The following IP6K3 variants were observed in gnomAD, a reference collection of about 807,000 sequenced individuals.
The protein encoded by IP6K3 is ATP:1D-myo-inositol-hexakisphosphate phosphotransferase.
IP6K3 carries 20 observed loss-of-function variants against 28.8 expected under a neutral mutation model. That is an observed-to-expected ratio of 0.70 (90% confidence interval 0.49 to 1.01). IP6K3 has a LOEUF of 1.01. Ranked by LOEUF, IP6K3 falls within the 50% of genes least tolerant of loss-of-function variation. The probability of loss-of-function intolerance (pLI) is 0.00; values close to 1 mark genes in which losing one functional copy is unlikely to be tolerated. For missense variants in IP6K3, 480 were observed against 537.1 expected, an observed-to-expected ratio of 0.89 and a Z score of 1.05; for synonymous variants, 213 against 221.3, an observed-to-expected ratio of 0.96 and a Z score of 0.33.
chr6:33,743,333 C>T (rs1017050527), intron 1 of IP6K3, among the ~76,000 whole-genome samples: 1 of 152,214 alleles, frequency 6.6e-6, no homozygotes, highest in Non-Finnish European at 1.5e-5. Flanking sequence ...ATGGCCTGCC[C>T]TCTCACCTCT....
chr6:33,729,555 C>T (rs1384208631), intron 2 of IP6K3, among the ~76,000 whole-genome samples: 3 of 152,170 alleles, frequency 2.0e-5, no homozygotes, highest in African/African-American at 7.2e-5. Flanking sequence ...GGTTCCCACC[C>T]CTCTTCACCA....
chr6:33,750,564 C>G (rs560028403), upstream of IP6K3, among the ~76,000 whole-genome samples: 2 of 152,328 alleles, frequency 1.3e-5, no homozygotes, highest in South Asian at 4.1e-4. The surrounding 1 kb of genome is among the most constrained non-coding windows in gnomAD (Gnocchi z 4.3). Context: ...GTGACTTGCT[C>G]CTTGCCTGTC....
the IP6K3 span, among the ~76,000 whole-genome samples, chr6:33,760,729 T>C: frequency 2.0e-5 from 3 of 152,320 alleles, no homozygotes; most frequent in African/African-American, 7.2e-5. Flanking sequence ...GGTTTTGCCA[T>C]GTTGGCCAGG....
Position 33,729,484 on chromosome 6 carries a change from G to C in IP6K3, c.200-1184C>G, listed in dbSNP as rs148589736. Among the ~76,000 whole-genome samples, 144 of 152,308 alleles carry C rather than the reference G, an allele frequency of 9.5e-4. 1 individual carries two copies. The highest frequency in any genetic ancestry group is 1.9e-3 in the Admixed American group (29 of 15,306). On this transcript the variant is annotated intron_variant, in intron 2 of 5. Transcript: ENST00000293756. ...TCTAGTTTCCCAGTGGATTTGCCCAGTGGGGGGCACTGGCAGGAGATGGGA... is the reference window on the plus strand; with the variant it reads ...TCTAGTTTCCCAGTGGATTTGCCCACTGGGGGGCACTGGCAGGAGATGGGA...
upstream of IP6K3, among the ~76,000 whole-genome samples, chr6:33,750,911 G>A (rs1308396162): frequency 6.6e-6 from 1 of 152,072 alleles, no homozygotes; most frequent in Non-Finnish European, 1.5e-5. The surrounding 1 kb of genome is among the most constrained non-coding windows in gnomAD (Gnocchi z 4.3). Context: ...CCTCATTCTA[G>A]GACATGTCAT....
At chr6:33,723,319 A>C in intron 5 of IP6K3, 132 bp from the exon 6 acceptor site, 1 of 617,068 alleles carries the variant, frequency 1.6e-6, no homozygotes, top group Non-Finnish European at 2.8e-6. Context: ...AGAGTGACTG[A>C]AATGAGCAGA....
chr6:33,725,888 T>C (rs1294694430), intron 4 of IP6K3, among the ~76,000 whole-genome samples: 3 of 152,202 alleles, frequency 2.0e-5, no homozygotes, highest in African/African-American at 7.2e-5. Context: ...GGTTGAAATT[T>C]AAACGCAAGT....
rs1456267461 is a variant in IP6K3 at position 33,726,784 on chromosome 6, T to A, written c.536A>T (p.His179Leu). The change falls in exon 4 of 6, where the codon CAC becomes CTC. Residue 179 changes from histidine (H) to leucine (L), a missense_variant. Transcript: ENST00000293756. ...KSFNPWGLQCHQAHLTRLCSE... is the reference protein window; with the variant it reads ...KSFNPWGLQCLQAHLTRLCSE... ...GCACAGGCGGGTCAGGTGGGCCTGG[T>A]GGCATTGCAGGCCCCACGGGTTGAA... is the stretch of plus-strand genomic sequence containing the variant. The A allele has an allele frequency of 1.9e-6, 3 of 1,610,402 alleles. No homozygotes were observed. The African/African-American group carries it at 4.0e-5, about 22-fold the overall frequency.
chr6:33,728,242 G>A lies in IP6K3; in HGVS notation c.258C>T (p.Asn86=). The A allele has an allele frequency of 6.2e-7, 1 of 1,614,194 alleles. No homozygotes were observed. The highest frequency in any genetic ancestry group is 1.1e-5 in the South Asian group (1 of 91,078). Residue 86 remains asparagine, a synonymous_variant, in exon 3 of 6, where the codon AAC becomes AAT. Coordinates refer to ENST00000293756, the MANE Select transcript of IP6K3 (RefSeq NM_054111.5). ...AGGGCTCCTGGCTCTCCTTCACTGG[G>A]TTGGCAACCAAGCTGAGATGGCCTG... The part of the protein sequence containing the change: ...DSTGHLSLVA[N]PVKESQEPFK...
the IP6K3 span, among the ~76,000 whole-genome samples, chr6:33,761,412 G>A: frequency 6.6e-6 from 1 of 152,126 alleles, no homozygotes; most frequent in Non-Finnish European, 1.5e-5. Context: ...TGGCCAGGCC[G>A]CAGTGGGCAG....
the IP6K3 span, among the ~76,000 whole-genome samples, chr6:33,754,907 C>G: frequency 6.6e-6 from 1 of 152,214 alleles, no homozygotes; most frequent in East Asian, 1.9e-4. Context: ...CCTCCAGTAA[C>G]TTTGTGAGGA....
At chr6:33,729,708 C>T (rs1200296040) in intron 2 of IP6K3, among the ~76,000 whole-genome samples, 2 of 151,634 alleles carry the variant, frequency 1.3e-5, no homozygotes, top group Non-Finnish European at 2.9e-5. Context: ...TTCCTTTTTT[C>T]TTTCTTTCTT....
chr6:33,745,533 AGCAAG>A (rs1353839640), intron 1 of IP6K3, among the ~76,000 whole-genome samples: 1 of 152,100 alleles, frequency 6.6e-6, no homozygotes, highest in Non-Finnish European at 1.5e-5. Context: ...CCTTTGATTC[AGCAAG>A]GCAAAGTGGT....
At chr6:33,739,680 G>C (rs1175721234) in intron 1 of IP6K3, among the ~76,000 whole-genome samples, 1 of 152,226 alleles carries the variant, frequency 6.6e-6, no homozygotes, top group East Asian at 1.9e-4. Flanking sequence ...ATTCAAGTTG[G>C]CAGGACCTTT....
In IP6K3 at chr6:33,726,858, G is replaced by A; in HGVS notation, c.462C>T (p.Ala154=). Residue 154 remains alanine, a synonymous_variant, in exon 4 of 6, where the codon GCC becomes GCT. Coordinates refer to ENST00000293756, the MANE Select transcript of IP6K3 (RefSeq NM_054111.5). ...CGTTGGTGTCTTCCACCAGCGAGAA[G>A]GCTGGAGTGTTGAGGTGGGGCTCGG... ...LRSEPHLNTP[A]FSLVEDTNGN... 6.2e-7 allele frequency: 1 copy of A among 1,613,242 alleles called. No individual in the cohort carries two copies. Among genetic ancestry groups the A allele is most frequent in the Non-Finnish European group, 8.5e-7 (1 of 1,179,354 alleles).
the IP6K3 span, among the ~76,000 whole-genome samples, chr6:33,753,081 C>T: frequency 3.1e-4 from 47 of 152,108 alleles, no homozygotes; most frequent in Non-Finnish European, 3.7e-4. Context: ...TGGATGTGCA[C>T]CACTGTGGAT....
upstream of IP6K3, among the ~76,000 whole-genome samples, chr6:33,748,642 CAAAAAA>C (rs35735336): frequency 1.0e-4 from 4 of 38,370 alleles, no homozygotes; most frequent in South Asian, 2.3e-3. Flanking sequence ...ACCCTGTCTC[CAAAAAA>C]AAAAAAAAAA....
At chr6:33,738,599 A>G (rs1039012906) in intron 1 of IP6K3, among the ~76,000 whole-genome samples, 2 of 152,206 alleles carry the variant, frequency 1.3e-5, no homozygotes, top group African/African-American at 4.8e-5. Flanking sequence ...CAGATGAGAA[A>G]ACGGAGGCAC....
the IP6K3 span, among the ~76,000 whole-genome samples, chr6:33,756,083 C>G: frequency 6.6e-6 from 1 of 152,130 alleles, no homozygotes; most frequent in Non-Finnish European, 1.5e-5. Context: ...AGGCTGGTCT[C>G]GAACTCCTGA....
Sources: gnomAD v4.1 joint callset for allele counts (sites outside exome capture counted in the v4.1 genomes callset) on GRCh38, gnomAD v4.1.1 for gene constraint, Gnocchi (gnomAD v3.1) non-coding constraint, MANE v1.5 for transcripts, NCBI Gene and HGNC (gene_info 2026-07-23, HGNC 2026-07-21) for gene names.